Variants in BPNT1 observed in about 807,000 individuals in gnomAD.
BPNT1 encodes the protein 3'(2'), 5'-bisphosphate nucleotidase 1, also known as 3'(2'),5'-bisphosphate nucleotidase 1.
Under a neutral mutation model 36.9 loss-of-function variants are expected in BPNT1, and 28 were observed. That is an observed-to-expected ratio of 0.76 (90% confidence interval 0.56 to 1.04). BPNT1 has a LOEUF of 1.04. BPNT1 is among the 50% of genes least tolerant of loss of function. The pLI, the probability that BPNT1 is intolerant of heterozygous loss-of-function variation, is 0.00. For synonymous variants in BPNT1, 119 were observed against 130.9 expected (o/e 0.91, Z 0.62); for missense variants, 313 against 372.9 (o/e 0.84, Z 1.32).
chr1:220,087,328 G>A (rs1224008732), intron 1 of BPNT1, among the ~76,000 whole-genome samples: 3 of 152,078 alleles, frequency 2.0e-5, no homozygotes, highest in Admixed American at 2.0e-4. Flanking sequence ...AGGCCAAGTC[G>A]GGCGGATGAC....
At chr1:220,082,072 A>ATG (rs1317954482) in intron 1 of BPNT1, among the ~76,000 whole-genome samples, 1 of 105,970 alleles carries the variant, frequency 9.4e-6, no homozygotes, top group Non-Finnish European at 2.0e-5. Flanking sequence ...CAATATATAT[A>ATG]TATATATATA....
intron 5 of BPNT1, among the ~76,000 whole-genome samples, chr1:220,068,925 T>C (rs1286604930): frequency 6.6e-6 from 1 of 152,192 alleles, no homozygotes; most frequent in Non-Finnish European, 1.5e-5. Flanking sequence ...AGGAGAAATA[T>C]TGTACTGTGT....
chr1:220,077,232 A>C (rs1258469753), intron 2 of BPNT1, among the ~76,000 whole-genome samples: 1 of 152,176 alleles, frequency 6.6e-6, no homozygotes, highest in African/African-American at 2.4e-5. Context: ...GATGTTGTCT[A>C]TATAACTAAA....
intron 1 of BPNT1, among the ~76,000 whole-genome samples, chr1:220,086,804 G>A (rs959651381): frequency 2.0e-5 from 3 of 151,762 alleles, no homozygotes; most frequent in Non-Finnish European, 4.4e-5. Flanking sequence ...TTGAACTCCT[G>A]ACCTTGTGAT....
In BPNT1 at chr1:220,089,101, G is replaced by GAAAA. The variant is rs764942826; in HGVS notation, c.-9+581_-9+584dup. On this transcript the variant is annotated intron_variant, in intron 1 of 8. Transcript: ENST00000322067. ...GGGCGACAGAGCGAGACTCCGTCTC[G>GAAAA]AAAAAAAAAAAAAAAAAAAAAAAAG... Among the ~76,000 whole-genome samples the GAAAA allele has an allele frequency of 1.3e-3, 49 of 39,038 alleles. 1 individual carries two copies. The highest frequency in any genetic ancestry group is 2.1e-3 in the African/African-American group (20 of 9,748). 25.6% of individuals were successfully genotyped at this position (39,038 alleles called of 152,430 possible). A position where few individuals can be genotyped will look rare whatever the true frequency, so the allele number is the denominator to read the frequency against.
intron 1 of BPNT1, among the ~76,000 whole-genome samples, chr1:220,084,394 G>T (rs909742992): frequency 6.6e-6 from 1 of 152,022 alleles, no homozygotes; most frequent in South Asian, 2.1e-4. Flanking sequence ...CACTTTGTTG[G>T]TCTTATTTCT....
chr1:220,058,179 A>T lies in BPNT1; in HGVS notation c.*665T>A. ...CTACAGAGCGAGACTCCGTCTCAGG[A>T]AAAAAAAAGAGAAATCTGGTTTAGA... is the stretch of plus-strand genomic sequence containing the variant. On this transcript the variant is annotated 3_prime_UTR_variant, in exon 9 of 9. Transcript: ENST00000322067. 1.0e-6 allele frequency: 1 copy of T among 982,486 alleles called. No homozygotes were observed. Among genetic ancestry groups the T allele is most frequent in the Non-Finnish European group, 1.2e-6 (1 of 822,880 alleles). The allele number at this position is 982,486 out of a possible 1,614,324, so 60.9% of individuals were successfully genotyped here.
chr1:220,088,088 G>A (rs1023614595), intron 1 of BPNT1, among the ~76,000 whole-genome samples: 2 of 151,942 alleles, frequency 1.3e-5, no homozygotes, highest in African/African-American at 4.8e-5. Flanking sequence ...TGTTGGTCAG[G>A]CTGGTCTCGA....
intron 1 of BPNT1, among the ~76,000 whole-genome samples, chr1:220,085,129 A>G (rs1655595316): frequency 6.6e-6 from 1 of 152,150 alleles, no homozygotes; most frequent in Admixed American, 6.6e-5. Flanking sequence ...AAATCTATAC[A>G]AGAGGTCCCT....
rs1180671959 is a variant in BPNT1, at chr1:220,057,840, G to A, written c.*1004C>T. ...GAGTAGAAACGTTTTTAAAATTACT[G>A]TGAAAAACAAGAGTGAGATTCCAGA... On this transcript the variant is annotated 3_prime_UTR_variant, in exon 9 of 9. Coordinates refer to ENST00000322067, the MANE Select transcript of BPNT1 (RefSeq NM_006085.6). 8.1e-7 allele frequency: 1 copy of A among 1,233,424 alleles called. No individual in the cohort carries two copies. Among genetic ancestry groups the A allele is most frequent in the Admixed American group, 2.7e-5 (1 of 37,258 alleles). The allele number at this position is 1,233,424 out of a possible 1,614,324, so 76.4% of individuals were successfully genotyped here.
At chr1:220,076,112 T>C (rs2102713900) in intron 2 of BPNT1, among the ~76,000 whole-genome samples, 1 of 152,270 alleles carries the variant, frequency 6.6e-6, no homozygotes, top group Admixed American at 6.5e-5. Context: ...CTCATGCCTG[T>C]AATCCGAGCA....
chr1:220,073,485 A>C (rs1664262967), intron 3 of BPNT1, among the ~76,000 whole-genome samples: 1 of 151,862 alleles, frequency 6.6e-6, no homozygotes. Context: ...GACAGGGTTC[A>C]GTTTCACCAT....
chr1:220,068,638 C>G (rs1347339915), intron 5 of BPNT1, among the ~76,000 whole-genome samples: 1 of 151,796 alleles, frequency 6.6e-6, no homozygotes, highest in Non-Finnish European at 1.5e-5. Flanking sequence ...TGGTGAAACC[C>G]CATCTCTCCT....
chr1:220,079,879 CTT>C (rs1376479282), intron 1 of BPNT1, 25 bp from the exon 2 acceptor site: 2 of 1,599,820 alleles, frequency 1.3e-6, no homozygotes. Flanking sequence ...AGAAAAATGT[CTT>C]GTTAGTTTCA....
intron 1 of BPNT1, among the ~76,000 whole-genome samples, chr1:220,084,016 T>C (rs895806570): frequency 2.6e-5 from 4 of 152,170 alleles, no homozygotes; most frequent in Non-Finnish European, 5.9e-5. Flanking sequence ...TTACTACTAA[T>C]TCAGGAGCAC....
chr1:220,064,323 G>A (rs1663332628), intron 6 of BPNT1, among the ~76,000 whole-genome samples: 1 of 152,138 alleles, frequency 6.6e-6, no homozygotes, highest in African/African-American at 2.4e-5. Flanking sequence ...TGTTGTTATT[G>A]TGAAATATAC....
At chr1:220,065,438 T>C (rs146537291) in intron 6 of BPNT1, among the ~76,000 whole-genome samples, 1 of 152,350 alleles carries the variant, frequency 6.6e-6, no homozygotes, top group East Asian at 1.9e-4. Context: ...GGCTTCAGTA[T>C]GAAGATAGAC....
intron 2 of BPNT1, among the ~76,000 whole-genome samples, chr1:220,078,608 T>C (rs944999580): frequency 2.0e-5 from 3 of 147,230 alleles, no homozygotes; most frequent in Non-Finnish European, 4.5e-5. Context: ...TATATATATA[T>C]TTTTTTGAGA....
Position 220,057,756 on chromosome 1 carries a change from C to A in BPNT1, c.*1088G>T. 1.2e-6 allele frequency: 1 copy of A among 847,690 alleles called. No individual in the cohort carries two copies. Among genetic ancestry groups the A allele is most frequent in the Non-Finnish European group, 1.7e-6 (1 of 602,292 alleles). 52.5% of individuals were successfully genotyped at this position (847,690 alleles called of 1,614,324 possible). A position where few individuals can be genotyped will look rare whatever the true frequency, so the allele number is the denominator to read the frequency against. The stretch of plus-strand genomic sequence containing the variant: ...GATTAAATAATTTATTTAAAAAAAA[C>A]TTTTCTCATAAATCTGTTTCATAAG... On this transcript the variant is annotated 3_prime_UTR_variant, in exon 9 of 9. Transcript: ENST00000322067.
Sources: gnomAD v4.1 joint callset for allele counts (sites outside exome capture counted in the v4.1 genomes callset) on GRCh38, gnomAD v4.1.1 for gene constraint, MANE v1.5 for transcripts, NCBI Gene and HGNC (gene_info 2026-07-23, HGNC 2026-07-21) for gene names.